CTNNA3: variants seen among roughly 807,000 people sequenced by gnomAD.
CTNNA3 encodes the protein catenin alpha-3.
In CTNNA3, 76 loss-of-function variants were observed where a neutral mutation model predicts 95.7. That is an observed-to-expected ratio of 0.79 (90% CI 0.66 to 0.96). CTNNA3 has a LOEUF of 0.96. Among genes scored for constraint, CTNNA3 ranks in the 40% least tolerant of loss-of-function variants. CTNNA3 has a pLI of 0.00. For synonymous variants in CTNNA3, 431 were observed against 374.4 expected (o/e 1.15, Z -1.74); for missense variants, 1,191 against 1,089.8 (o/e 1.09, Z -1.31).
chr10:67,054,680 A>G (rs1271801422), intron 7 of CTNNA3: 4 of 152,172 alleles, frequency 2.6e-5, no homozygotes, highest in African/African-American at 7.2e-5. Flanking sequence ...TGGGAGAGGC[A>G]CTAAGAATGA....
chr10:67,196,571 AT>A (rs1377501600), intron 6 of CTNNA3, among the ~76,000 whole-genome samples: 1 of 152,006 alleles, frequency 6.6e-6, no homozygotes, highest in Admixed American at 6.6e-5. Context: ...AGTGATAAAA[AT>A]TTCACTCATC....
chr10:66,132,838 A>G (rs1232673844), intron 13 of CTNNA3, among the ~76,000 whole-genome samples: 1 of 152,200 alleles, frequency 6.6e-6, no homozygotes, highest in Non-Finnish European at 1.5e-5. Context: ...TATAGGTGGG[A>G]GCTAAATGAT....
intron 11 of CTNNA3, among the ~76,000 whole-genome samples, chr10:66,396,996 G>GA (rs970806507): frequency 5.3e-5 from 8 of 151,196 alleles, no homozygotes; most frequent in African/African-American, 1.9e-4. Context: ...AATTTTAAGT[G>GA]AAAAAAATCA....
chr10:67,182,490 G>C (rs1228308610), intron 6 of CTNNA3, among the ~76,000 whole-genome samples: 1 of 152,068 alleles, frequency 6.6e-6, no homozygotes, highest in Non-Finnish European at 1.5e-5. Flanking sequence ...GCCATATGTA[G>C]AAAGCTGAAA....
chr10:66,787,126 G>A (rs540128502), intron 7 of CTNNA3, among the ~76,000 whole-genome samples: 6 of 152,278 alleles, frequency 3.9e-5, no homozygotes, highest in African/African-American at 1.4e-4. Flanking sequence ...TCAGAGGAGA[G>A]GCGATTCCTA....
chr10:66,605,463 C>T (rs1844084982), intron 10 of CTNNA3, among the ~76,000 whole-genome samples: 1 of 152,092 alleles, frequency 6.6e-6, no homozygotes, highest in Non-Finnish European at 1.5e-5. Context: ...CGAAGAACCC[C>T]AGTAAGATAC....
At chr10:66,841,649 T>C (rs1843068808) in intron 7 of CTNNA3, among the ~76,000 whole-genome samples, 1 of 152,206 alleles carries the variant, frequency 6.6e-6, no homozygotes, top group South Asian at 2.1e-4. Context: ...AGTCTGTCTA[T>C]GCAACCATTC....
chr10:66,075,765 A>G (rs2080539349), intron 14 of CTNNA3, among the ~76,000 whole-genome samples: 1 of 151,344 alleles, frequency 6.6e-6, no homozygotes, highest in African/African-American at 2.4e-5. Flanking sequence ...ACTTAAAAGA[A>G]CTCTCCAGCT....
chr10:66,134,654 T>A (rs984454401), intron 13 of CTNNA3, among the ~76,000 whole-genome samples: 4 of 152,140 alleles, frequency 2.6e-5, no homozygotes, highest in Admixed American at 2.0e-4. Flanking sequence ...ACCAAAATGG[T>A]TAACTACAAG....
intron 6 of CTNNA3, among the ~76,000 whole-genome samples, chr10:67,208,393 A>AC (rs1863999606): frequency 6.6e-6 from 1 of 151,882 alleles, no homozygotes; most frequent in Admixed American, 6.6e-5. Flanking sequence ...AAAAAAAAAA[A>AC]AATAGCCACA....
At chr10:66,216,424 T>A (rs1246712618) in intron 13 of CTNNA3, among the ~76,000 whole-genome samples, 1 of 152,220 alleles carries the variant, frequency 6.6e-6, no homozygotes, top group East Asian at 1.9e-4. Flanking sequence ...AAATGTTTCT[T>A]TCTGAGGAAC....
At chr10:66,149,120 T>C (rs1308215366) in intron 13 of CTNNA3, among the ~76,000 whole-genome samples, 1 of 149,636 alleles carries the variant, frequency 6.7e-6, no homozygotes, top group Non-Finnish European at 1.5e-5. Flanking sequence ...TATATCTAAA[T>C]ATGAATAAAT....
At chr10:67,657,847 CAAAAAAA>C (rs200763142) in intron 1 of CTNNA3, among the ~76,000 whole-genome samples, 3 of 40,420 alleles carry the variant, frequency 7.4e-5, no homozygotes, top group Non-Finnish European at 1.8e-4. Context: ...AATTCCATCT[CAAAAAAA>C]AAAAAAAAAA....
At chr10:66,316,976 A>G (rs1203330544) in intron 12 of CTNNA3, among the ~76,000 whole-genome samples, 1 of 152,102 alleles carries the variant, frequency 6.6e-6, no homozygotes, top group African/African-American at 2.4e-5. Context: ...AGTGATCTTA[A>G]AAGCACCCAT....
At chr10:66,456,300 T>A (rs1479782554) in intron 11 of CTNNA3, among the ~76,000 whole-genome samples, 4 of 152,178 alleles carry the variant, frequency 2.6e-5, no homozygotes, top group African/African-American at 4.8e-5. Flanking sequence ...GTAAAGCTAC[T>A]GTTATCAAGA....
chr10:67,476,603 C>T (rs1444911752), intron 5 of CTNNA3, among the ~76,000 whole-genome samples: 1 of 151,832 alleles, frequency 6.6e-6, no homozygotes, highest in Non-Finnish European at 1.5e-5. Flanking sequence ...GCCTGAGCTG[C>T]CCCACCCTTC....
chr10:66,811,690 C>T (rs966054860), intron 7 of CTNNA3, among the ~76,000 whole-genome samples: 1 of 152,136 alleles, frequency 6.6e-6, no homozygotes, highest in Non-Finnish European at 1.5e-5. Flanking sequence ...AGTTGAGAAC[C>T]ACTGAAATTT....
intron 5 of CTNNA3, among the ~76,000 whole-genome samples, chr10:67,511,994 T>C (rs572441919): frequency 9.6e-4 from 147 of 152,348 alleles, no homozygotes; most frequent in Middle Eastern, 6.8e-3. Flanking sequence ...GAGGTGTTTA[T>C]AGTATTCTCT....
chr10:66,679,744 G>A (rs182051240), intron 9 of CTNNA3, among the ~76,000 whole-genome samples: 6 of 152,276 alleles, frequency 3.9e-5, no homozygotes, highest in Admixed American at 3.9e-4. Flanking sequence ...GTACAGCAAT[G>A]AAGATAAAGT....
Sources: gnomAD v4.1 joint callset for allele counts (sites outside exome capture counted in the v4.1 genomes callset) on GRCh38, gnomAD v4.1.1 for gene constraint, MANE v1.5 for transcripts, NCBI Gene and HGNC (gene_info 2026-07-23, HGNC 2026-07-21) for gene names.